Variants in PDE8B observed in about 807,000 individuals in gnomAD.
PDE8B encodes high affinity cAMP-specific and IBMX-insensitive 3',5'-cyclic phosphodiesterase 8B.
Under a neutral mutation model 101.3 loss-of-function variants are expected in PDE8B, and 26 were observed. The ratio of observed to expected loss-of-function variants is 0.26; its 90% CI spans 0.19 to 0.36. The LOEUF (loss-of-function observed/expected upper bound fraction) is 0.36, where lower values mean the gene tolerates loss of function less well. PDE8B is among the 10% of genes least tolerant of loss of function. PDE8B has a pLI of 1.00. For missense variants in PDE8B, 810 were observed against 1,163.1 expected (o/e 0.70, Z 4.42); for synonymous variants, 424 against 429.3 (o/e 0.99, Z 0.15).
chr5:77,344,580 C>G (rs1779820647), intron 6 of PDE8B, among the ~76,000 whole-genome samples: 1 of 152,200 alleles, frequency 6.6e-6, no homozygotes, highest in Non-Finnish European at 1.5e-5. Flanking sequence ...AGGGAGCTCA[C>G]TGGAGCCTCT....
At chr5:77,280,759 T>C (rs778288754) in intron 1 of PDE8B, among the ~76,000 whole-genome samples, 12 of 152,082 alleles carry the variant, frequency 7.9e-5, no homozygotes, top group Non-Finnish European at 1.5e-4. Context: ...TAGCTGGGTG[T>C]GGTGGCACAT....
chr5:77,404,317 G>T (rs1224118151), intron 11 of PDE8B, among the ~76,000 whole-genome samples: 1 of 151,738 alleles, frequency 6.6e-6, no homozygotes, highest in South Asian at 2.1e-4. Flanking sequence ...TAGAGACAGG[G>T]TTTCTCCATG....
intron 1 of PDE8B, among the ~76,000 whole-genome samples, chr5:77,280,569 GT>G (rs573013861): frequency 1.4e-3 from 214 of 152,308 alleles, no homozygotes; most frequent in African/African-American, 5.0e-3. Flanking sequence ...CTTATTGTCA[GT>G]TTTTTTCCTA....
At chr5:77,233,699 T>TGTGTGTGTGCGC (rs979930633) in intron 1 of PDE8B, among the ~76,000 whole-genome samples, 1 of 146,886 alleles carries the variant, frequency 6.8e-6, no homozygotes, top group African/African-American at 2.5e-5. Flanking sequence ...TGTGTGTGTG[T>TGTGTGTGTGCGC]GCAGTAGACT....
chr5:77,392,101 G>T (rs1351187316), intron 10 of PDE8B, among the ~76,000 whole-genome samples: 2 of 152,194 alleles, frequency 1.3e-5, no homozygotes, highest in African/African-American at 4.8e-5. Context: ...ATATCACACA[G>T]GTTGGTCATG....
the PDE8B span, among the ~76,000 whole-genome samples, chr5:77,106,798 A>C: frequency 6.6e-6 from 1 of 152,158 alleles, no homozygotes; most frequent in South Asian, 2.1e-4. Flanking sequence ...TTTTCAGTGT[A>C]CAGATCTTAC....
chr5:77,238,363 G>C (rs1002927433), intron 1 of PDE8B, among the ~76,000 whole-genome samples: 1 of 152,094 alleles, frequency 6.6e-6, no homozygotes, highest in Non-Finnish European at 1.5e-5. Flanking sequence ...AGCCTATCCA[G>C]TTGGTTTTTT....
intron 20 of PDE8B, among the ~76,000 whole-genome samples, chr5:77,424,458 C>CA (rs1797467018): frequency 6.6e-6 from 1 of 152,212 alleles, no homozygotes; most frequent in South Asian, 2.1e-4. Context: ...ATACTCAGCT[C>CA]AATGAATGAT....
At chr5:77,232,847 A>C (rs1294639568) in intron 1 of PDE8B, among the ~76,000 whole-genome samples, 1 of 152,212 alleles carries the variant, frequency 6.6e-6, no homozygotes, top group Non-Finnish European at 1.5e-5. Flanking sequence ...TTTATCTTTT[A>C]ATGATAAAAA....
At chr5:77,170,113 C>T in the PDE8B span, among the ~76,000 whole-genome samples, 4 of 152,130 alleles carry the variant, frequency 2.6e-5, no homozygotes, top group Non-Finnish European at 2.9e-5. Context: ...ATCTGGATGC[C>T]GCTTCCTAAG....
chr5:77,240,343 C>T (rs1460270125), intron 1 of PDE8B, among the ~76,000 whole-genome samples: 4 of 151,574 alleles, frequency 2.6e-5, no homozygotes, highest in Admixed American at 2.0e-4. Context: ...TTAGTAGAGA[C>T]GGGGTTTCAC....
At chr5:77,358,512 T>C (rs1782523238) in intron 10 of PDE8B, 1 of 813,420 alleles carries the variant, frequency 1.2e-6, no homozygotes. Flanking sequence ...CTTCCTCCTA[T>C]GTATGCCCCA....
At position 77,397,250 on chromosome 5, in the gene PDE8B, G is replaced by A. The variant is rs549913680; in HGVS notation, c.1168-2998G>A. Among the ~76,000 whole-genome samples, 211 of 151,814 alleles carry A rather than the reference G, an allele frequency of 1.4e-3. 1 individual carries two copies. The highest frequency in any genetic ancestry group is 4.9e-3 in the African/African-American group (202 of 41,378). On this transcript the variant is annotated intron_variant, in intron 10 of 21. Coordinates refer to ENST00000264917, the MANE Select transcript of PDE8B (RefSeq NM_003719.5). ...TCACCATATTTGTTAGGCTGGTCTCGAACTCCTGACCTCAGGTGATTCACC... is the reference window on the plus strand; with the variant it reads ...TCACCATATTTGTTAGGCTGGTCTCAAACTCCTGACCTCAGGTGATTCACC...
intron 1 of PDE8B, among the ~76,000 whole-genome samples, chr5:77,228,112 C>T (rs954854102): frequency 1.3e-5 from 2 of 152,134 alleles, no homozygotes; most frequent in African/African-American, 4.8e-5. Context: ...AGCTTATCTA[C>T]ATGGTTGTTA....
chr5:77,162,144 A>T, the PDE8B span, among the ~76,000 whole-genome samples: 54 of 152,154 alleles, frequency 3.5e-4, no homozygotes, highest in Non-Finnish European at 5.1e-4. Flanking sequence ...GCCACAAAAA[A>T]TTGGAAAATA....
intron 14 of PDE8B, among the ~76,000 whole-genome samples, chr5:77,410,002 C>T (rs1561670769): frequency 5.3e-5 from 8 of 152,216 alleles, no homozygotes; most frequent in Admixed American, 3.3e-4. Context: ...AGGTGGCCAC[C>T]GCAGAGCTGC....
chr5:77,290,697 G>T, intron 1 of PDE8B: 1 of 1,506,740 alleles, frequency 6.6e-7, no homozygotes, highest in Non-Finnish European at 9.2e-7. Context: ...CTTGCCTTCT[G>T]AAAGACCTGG....
intron 17 of PDE8B, among the ~76,000 whole-genome samples, chr5:77,415,088 C>T (rs1227034502): frequency 6.6e-6 from 1 of 152,104 alleles, no homozygotes; most frequent in Non-Finnish European, 1.5e-5. Flanking sequence ...AACATTTTCT[C>T]ATGCTGGCAG....
At chr5:77,252,111 C>T (rs1478174996) in intron 1 of PDE8B, among the ~76,000 whole-genome samples, 2 of 152,190 alleles carry the variant, frequency 1.3e-5, no homozygotes, top group African/African-American at 4.8e-5. Context: ...TGGTGACTGA[C>T]TTATTCTGAG....
Sources: gnomAD v4.1 joint callset for allele counts (sites outside exome capture counted in the v4.1 genomes callset) on GRCh38, gnomAD v4.1.1 for gene constraint, MANE v1.5 for transcripts, NCBI Gene and HGNC (gene_info 2026-07-23, HGNC 2026-07-21) for gene names.